Variants in RERG observed in about 807,000 individuals in gnomAD.
RERG encodes RAS like estrogen regulated growth inhibitor.
Under a neutral mutation model 23.2 loss-of-function variants are expected in RERG, and 25 were observed. The observed-to-expected ratio is 1.08, with a 90% CI of 0.79 to 1.50. The LOEUF (loss-of-function observed/expected upper bound fraction) is 1.50. Ranked by LOEUF, RERG falls within the 40% of genes most tolerant of loss-of-function variation. The pLI, the probability that RERG is intolerant of heterozygous loss-of-function variation, is 0.00. For missense variants in RERG, 253 were observed against 250.1 expected (o/e 1.01, Z -0.08); for synonymous variants, 81 against 89.1 (o/e 0.91, Z 0.51).
intron 2 of RERG, among the ~76,000 whole-genome samples, chr12:15,189,849 A>T (rs1319521239): frequency 6.6e-6 from 1 of 152,198 alleles, no homozygotes; most frequent in Non-Finnish European, 1.5e-5. Context: ...AGAAGGCCAC[A>T]GCCTCCTGGT....
At chr12:15,202,650 G>A (rs1865233350) in intron 2 of RERG, among the ~76,000 whole-genome samples, 1 of 151,626 alleles carries the variant, frequency 6.6e-6, no homozygotes, top group Admixed American at 6.6e-5. Context: ...GATGAATAAT[G>A]TTTCATTACA....
At chr12:15,203,473 T>C (rs940710707) in intron 2 of RERG, among the ~76,000 whole-genome samples, 1 of 151,726 alleles carries the variant, frequency 6.6e-6, no homozygotes, top group African/African-American at 2.4e-5. Flanking sequence ...TTATACTCAA[T>C]GTTGAAAATC....
At chr12:15,132,218 G>A (rs1864060221) in intron 2 of RERG, among the ~76,000 whole-genome samples, 1 of 152,128 alleles carries the variant, frequency 6.6e-6, no homozygotes, top group South Asian at 2.1e-4. Context: ...ACTACAAAGG[G>A]AAAGAAAGTA....
chr12:15,197,953 A>C (rs988539821), intron 2 of RERG, among the ~76,000 whole-genome samples: 9 of 152,202 alleles, frequency 5.9e-5, no homozygotes, highest in African/African-American at 2.2e-4. Context: ...CTGTGTCACC[A>C]GCTTTGCTTC....
intron 2 of RERG, among the ~76,000 whole-genome samples, chr12:15,214,617 C>T (rs1865415820): frequency 6.6e-6 from 1 of 152,168 alleles, no homozygotes; most frequent in African/African-American, 2.4e-5. Flanking sequence ...GAGGCAGAGA[C>T]ATCAAATAGC....
rs748266862 is a variant in RERG, at chr12:15,109,444, C to T, written c.266G>A (p.Arg89Gln). 3 of 1,613,950 alleles carry T rather than the reference C, an allele frequency of 1.9e-6. No individual in the cohort carries two copies. Among genetic ancestry groups the T allele is most frequent in the Admixed American group, 3.3e-5 (2 of 59,982 alleles). ...GFVLVYDITDRGSFEEVLPLK... is the reference protein window; with the variant it reads ...GFVLVYDITDQGSFEEVLPLK... ...TGGCAGCACTTCCTCAAAACTTCCTCGGTCAGTAATGTCGTAGACCAGCAC... is the reference window on the plus strand; with the variant it reads ...TGGCAGCACTTCCTCAAAACTTCCTTGGTCAGTAATGTCGTAGACCAGCAC... The change falls in exon 5 of 5, where the codon CGA (arginine) becomes CAA (glutamine). Residue 89 changes from arginine to glutamine, a missense_variant. By Grantham distance (43) the Arg-to-Gln change is conservative. Coordinates refer to ENST00000256953, the MANE Select transcript of RERG (RefSeq NM_032918.3).
intron 2 of RERG, among the ~76,000 whole-genome samples, chr12:15,186,958 T>C (rs977611977): frequency 6.6e-6 from 1 of 152,166 alleles, no homozygotes; most frequent in African/African-American, 2.4e-5. Flanking sequence ...TTGGCTTGTT[T>C]TCCTCTTTTT....
At chr12:15,118,261 G>A (rs1186132914) in intron 3 of RERG, among the ~76,000 whole-genome samples, 1 of 151,932 alleles carries the variant, frequency 6.6e-6, no homozygotes, top group Admixed American at 6.6e-5. Flanking sequence ...TGCTACTATA[G>A]TAGCAAGCAT....
intron 2 of RERG, among the ~76,000 whole-genome samples, chr12:15,180,888 A>T (rs1864914517): frequency 6.6e-6 from 1 of 152,208 alleles, no homozygotes; most frequent in Non-Finnish European, 1.5e-5. Flanking sequence ...GGTGGCTTCT[A>T]GTTAGGCAGC....
intron 3 of RERG, among the ~76,000 whole-genome samples, chr12:15,114,304 A>C (rs1863678688): frequency 6.6e-6 from 1 of 152,190 alleles, no homozygotes; most frequent in Non-Finnish European, 1.5e-5. Context: ...AATATTAAAT[A>C]GGCTAAAGAC....
rs1865494974 is a variant in RERG, at chr12:15,220,205, A to G, written c.-115+990T>C. On this transcript the variant is annotated intron_variant, in intron 1 of 4. Coordinates refer to ENST00000256953, the MANE Select transcript of RERG (RefSeq NM_032918.3). ...GGATCTAAGAAAATCCATTTGTCCT[A>G]ATGTTCTGCTGAAATATTCTGAGTA... is the stretch of plus-strand genomic sequence containing the variant. 3.9e-5 allele frequency among the ~76,000 whole-genome samples: 6 copies of G among 152,214 alleles called. No homozygotes were observed. In the South Asian group the frequency reaches 1.0e-3, roughly 26 times the overall value.
At chr12:15,169,142 A>G (rs1269301256) in intron 2 of RERG, among the ~76,000 whole-genome samples, 1 of 152,218 alleles carries the variant, frequency 6.6e-6, no homozygotes, top group Non-Finnish European at 1.5e-5. Context: ...TACAAGATCG[A>G]GGAGGTGAAG....
At chr12:15,131,665 C>T (rs559343010) in intron 2 of RERG, among the ~76,000 whole-genome samples, 110 of 152,206 alleles carry the variant, frequency 7.2e-4, no homozygotes, top group African/African-American at 2.6e-3. Flanking sequence ...TTTATGCCAT[C>T]TGGCATAAAC....
At chr12:15,170,184 A>T (rs1864757945) in intron 2 of RERG, among the ~76,000 whole-genome samples, 1 of 152,194 alleles carries the variant, frequency 6.6e-6, no homozygotes, top group Non-Finnish European at 1.5e-5. Flanking sequence ...TAAATAAAAT[A>T]AATGCTTTGA....
At position 15,217,501 on chromosome 12, in the gene RERG, G is replaced by A; in HGVS notation, c.-12C>T. 6.2e-7 allele frequency: 1 copy of A among 1,603,780 alleles called. No individual in the cohort carries two copies. The highest frequency in any genetic ancestry group is 8.5e-7 in the Non-Finnish European group (1 of 1,170,688). On this transcript the variant is annotated 5_prime_UTR_variant, in exon 2 of 5. Coordinates refer to ENST00000256953, the MANE Select transcript of RERG (RefSeq NM_032918.3). ...GCACTTTTAGCCATGATGGGTGTTG[G>A]TAGACAATTTACTGTTGTTAAAACT...
intron 4 of RERG, chr12:15,110,819 C>T (rs2193166): frequency 0.21 from 31,425 of 152,130 alleles, 3,337 homozygotes; most frequent in Admixed American, 0.26. Context: ...TATCTATGAA[C>T]CCTTTTTAAT....
intron 2 of RERG, among the ~76,000 whole-genome samples, chr12:15,150,060 G>A (rs1040422477): frequency 4.6e-5 from 7 of 152,246 alleles, no homozygotes; most frequent in Non-Finnish European, 8.8e-5. Flanking sequence ...AGGCTACTGG[G>A]GGAAAGGACG....
At position 15,145,396 on chromosome 12, in the gene RERG, C is replaced by A. The variant is rs190948513; in HGVS notation, c.62-24277G>T. Among the ~76,000 whole-genome samples, 4 of 152,324 alleles carry A rather than the reference C, an allele frequency of 2.6e-5. No individual in the cohort carries two copies. The East Asian group carries it at 7.7e-4, about 29-fold the overall frequency. On this transcript the variant is annotated intron_variant, in intron 2 of 4. Transcript: ENST00000256953. ...CTTCTCCTTCACAGCCTGTCAGGGCCATGAGAGATCTCACCAAATCCCCTT... is the reference window on the plus strand; with the variant it reads ...CTTCTCCTTCACAGCCTGTCAGGGCAATGAGAGATCTCACCAAATCCCCTT...
intron 3 of RERG, among the ~76,000 whole-genome samples, chr12:15,116,977 T>C (rs960894473): frequency 7.2e-5 from 11 of 152,122 alleles, no homozygotes; most frequent in African/African-American, 2.4e-4. Context: ...AGTTTCAAAA[T>C]GGAATGAGGC....
Sources: allele counts gnomAD v4.1 joint callset (sites outside exome capture counted in the v4.1 genomes callset), GRCh38; gene constraint gnomAD v4.1.1; transcripts MANE v1.5; gene names NCBI Gene and HGNC (gene_info 2026-07-23, HGNC 2026-07-21).